Variants in DTNA observed in about 807,000 individuals in gnomAD.
DTNA encodes dystrobrevin alpha.
A neutral mutation model predicts 100.7 loss-of-function variants in DTNA; 43 were observed. The ratio of observed to expected loss-of-function variants is 0.43; its 90% CI spans 0.33 to 0.55. DTNA has a LOEUF of 0.55. Among genes scored for constraint, DTNA ranks in the 20% least tolerant of loss-of-function variants. DTNA has a pLI of 0.04. For synonymous variants in DTNA, 349 were observed against 347.9 expected, an observed-to-expected ratio of 1.00 and a Z score of -0.04; for missense variants, 798 against 953.9, an observed-to-expected ratio of 0.84 and a Z score of 2.15.
intron 1 of DTNA, among the ~76,000 whole-genome samples, chr18:34,643,283 A>G (rs2059495641): frequency 6.6e-6 from 1 of 152,182 alleles, no homozygotes; most frequent in Non-Finnish European, 1.5e-5. Flanking sequence ...ATATTTTGAA[A>G]TCTTAATAAA....
At chr18:34,530,167 G>A (rs922546196) in intron 1 of DTNA, among the ~76,000 whole-genome samples, 7 of 152,158 alleles carry the variant, frequency 4.6e-5, no homozygotes, top group East Asian at 1.9e-4. Flanking sequence ...CTGTCTGCCC[G>A]GGCAGAGCAA....
At chr18:34,527,889 A>G (rs1429958135) in intron 1 of DTNA, among the ~76,000 whole-genome samples, 1 of 152,084 alleles carries the variant, frequency 6.6e-6, no homozygotes, top group Admixed American at 6.6e-5. Context: ...GAAATTCTCT[A>G]TGAATTCCTT....
At chr18:34,541,953 G>A (rs2044285721) in intron 1 of DTNA, among the ~76,000 whole-genome samples, 1 of 151,984 alleles carries the variant, frequency 6.6e-6, no homozygotes, top group Non-Finnish European at 1.5e-5. Flanking sequence ...TCCTTCTTGG[G>A]AATAAGCAAA....
chr18:34,790,674 C>A (rs2094699306), intron 3 of DTNA, among the ~76,000 whole-genome samples: 2 of 150,106 alleles, frequency 1.3e-5, no homozygotes, highest in South Asian at 4.2e-4. Flanking sequence ...CGGCTTCACG[C>A]CATTCTCCAA....
In DTNA at chr18:34,888,368, A is replaced by C. The variant is rs1441071433; in HGVS notation, c.*634A>C. The C allele has an allele frequency of 4.1e-6, 4 of 985,706 alleles. No homozygotes were observed. Among genetic ancestry groups the C allele is most frequent in the Non-Finnish European group, 4.8e-6 (4 of 829,946 alleles). 61.1% of individuals were successfully genotyped at this position (985,706 alleles called of 1,614,324 possible). On this transcript the variant is annotated 3_prime_UTR_variant, in exon 23 of 23. Transcript: ENST00000444659. The stretch of plus-strand genomic sequence containing the variant: ...ACAAACTCAGAGCCCGGAAGCCAAG[A>C]AGGGTCCTTGGCCTGCACGGTCTGT...
At chr18:34,591,282 T>C (rs2049695681) in intron 1 of DTNA, among the ~76,000 whole-genome samples, 1 of 152,234 alleles carries the variant, frequency 6.6e-6, no homozygotes, top group Non-Finnish European at 1.5e-5. Context: ...ACATTCTATA[T>C]AATATTTTGG....
chr18:34,606,649 A>C (rs990015546), intron 1 of DTNA, among the ~76,000 whole-genome samples: 1 of 152,186 alleles, frequency 6.6e-6, no homozygotes, highest in Non-Finnish European at 1.5e-5. Flanking sequence ...AGACAGTATA[A>C]AGGTGCCCAG....
At chr18:34,576,755 A>T (rs963604842) in intron 1 of DTNA, among the ~76,000 whole-genome samples, 3 of 152,148 alleles carry the variant, frequency 2.0e-5, no homozygotes, top group Non-Finnish European at 4.4e-5. Flanking sequence ...AACCATGCCC[A>T]GCCGTAAATT....
intron 1 of DTNA, among the ~76,000 whole-genome samples, chr18:34,553,594 A>G (rs768403856): frequency 3.7e-4 from 57 of 152,238 alleles, no homozygotes; most frequent in Non-Finnish European, 3.8e-4. Context: ...AGCTTTCTCC[A>G]TATGGCTAGC....
At chr18:34,874,963 C>G (rs1406838530) in intron 17 of DTNA, among the ~76,000 whole-genome samples, 1 of 152,194 alleles carries the variant, frequency 6.6e-6, no homozygotes, top group African/African-American at 2.4e-5. Flanking sequence ...TTAACAGTAC[C>G]TTCATTTTAT....
intron 1 of DTNA, among the ~76,000 whole-genome samples, chr18:34,535,865 CA>C (rs1328202304): frequency 1.3e-5 from 2 of 151,938 alleles, no homozygotes; most frequent in Non-Finnish European, 2.9e-5. Context: ...TTTAATTTGA[CA>C]AGTAGCACAT....
intron 1 of DTNA, among the ~76,000 whole-genome samples, chr18:34,512,130 C>G (rs1053010499): frequency 3.3e-5 from 5 of 152,134 alleles, no homozygotes; most frequent in African/African-American, 9.6e-5. Flanking sequence ...AGAAGTCCCA[C>G]TGGCTCTAGG....
chr18:34,798,023 C>T (rs887645073), intron 4 of DTNA, among the ~76,000 whole-genome samples: 2 of 151,856 alleles, frequency 1.3e-5, no homozygotes, highest in Non-Finnish European at 2.9e-5. Flanking sequence ...TTTTTAAGAC[C>T]GAGTCTCACT....
chr18:34,672,591 G>A (rs67768624), intron 1 of DTNA, among the ~76,000 whole-genome samples: 15,304 of 152,062 alleles, frequency 0.1, 1,056 homozygotes, highest in African/African-American at 0.19. Flanking sequence ...ATAAAGGAGC[G>A]TTCAGCCACT....
chr18:34,888,119 A>G lies in DTNA; in HGVS notation c.*385A>G, dbSNP rs1603369141. ...AAAACCCATGCTGCTGTTATACACA[A>G]TGGCAGTATTAACAAGCATTTTAAA... On this transcript the variant is annotated 3_prime_UTR_variant, in exon 23 of 23. Coordinates refer to ENST00000444659, the MANE Select transcript of DTNA (RefSeq NM_001386795.1). 1.8e-5 allele frequency: 18 copies of G among 985,904 alleles called. No homozygotes were observed. The highest frequency in any genetic ancestry group is 2.0e-5 in the Non-Finnish European group (17 of 829,932). 61.1% of individuals were successfully genotyped at this position (985,904 alleles called of 1,614,324 possible).
At chr18:34,590,896 A>C (rs1162881537) in intron 1 of DTNA, among the ~76,000 whole-genome samples, 1 of 152,208 alleles carries the variant, frequency 6.6e-6, no homozygotes, top group Non-Finnish European at 1.5e-5. Flanking sequence ...ACTCACTCAC[A>C]CTTGCATCTG....
chr18:34,856,629 A>G (rs1408959839), intron 15 of DTNA, among the ~76,000 whole-genome samples: 1 of 152,224 alleles, frequency 6.6e-6, no homozygotes, highest in Non-Finnish European at 1.5e-5. Context: ...CATCACGTCT[A>G]CCACCTACTT....
Position 34,584,012 on chromosome 18 carries a change from C to T in DTNA, c.-2+90498C>T, listed in dbSNP as rs73426194. Among the ~76,000 whole-genome samples the T allele has an allele frequency of 5.7e-3, 865 of 151,428 alleles. 10 individuals carry two copies. Among genetic ancestry groups the T allele is most frequent in the African/African-American group, 0.02 (819 of 41,460 alleles). ...GAGACTTAAGTAGAAATCTGCGTGC[C>T]GAATAGTAACAAACTCTACTTTCCC... is the stretch of plus-strand genomic sequence containing the variant. On this transcript the variant is annotated intron_variant, in intron 1 of 19. Transcript: ENST00000283365.
At chr18:34,825,164 G>GTGA in intron 9 of DTNA, 1 of 1,467,030 alleles carries the variant, frequency 6.8e-7, no homozygotes, top group Non-Finnish European at 9.5e-7. Context: ...TGAGCAGGTG[G>GTGA]TGACATTTTG....
Sources: allele counts gnomAD v4.1 joint callset (sites outside exome capture counted in the v4.1 genomes callset), GRCh38; gene constraint gnomAD v4.1.1; transcripts MANE v1.5; gene names NCBI Gene and HGNC (gene_info 2026-07-23, HGNC 2026-07-21).